The following CMC1 variants were observed in gnomAD, a reference collection of about 807,000 sequenced individuals.
The protein encoded by CMC1 is C-X9-C motif containing 1.
A neutral mutation model predicts 14.1 loss-of-function variants in CMC1; 14 were observed. The ratio of observed to expected loss-of-function variants is 0.99; its 90% CI spans 0.66 to 1.55. CMC1 has a LOEUF of 1.55. Among genes scored for constraint, CMC1 ranks in the 40% most tolerant of loss-of-function variants. CMC1 has a pLI of 0.00. For synonymous variants in CMC1, 50 were observed against 38.4 expected (o/e 1.30, Z -1.12); for missense variants, 127 against 123.8 (o/e 1.03, Z -0.12).
Position 28,323,901 on chromosome 3 carries a change from G to T in CMC1, c.*4272G>T. Reference sequence around the variant, plus strand: ...CAACTATGTTGGTTTTTGTACTATTGTACAGTGTGTTCAAATATAGATACT... The same window carrying T: ...CAACTATGTTGGTTTTTGTACTATTTTACAGTGTGTTCAAATATAGATACT... On this transcript the variant is annotated 3_prime_UTR_variant, in exon 4 of 4. Transcript: ENST00000466830. The T allele has an allele frequency of 1.1e-6, 1 of 932,672 alleles. No individual in the cohort carries two copies. The highest frequency in any genetic ancestry group is 1.6e-6 in the Non-Finnish European group (1 of 625,976). The allele number at this position is 932,672 out of a possible 1,614,324, so 57.8% of individuals were successfully genotyped here.
At chr3:28,283,542 C>CAACAAA (rs1250031613) in intron 2 of CMC1, among the ~76,000 whole-genome samples, 109 of 83,980 alleles carry the variant, frequency 1.3e-3, no homozygotes, top group African/African-American at 4.8e-3. Context: ...ACAACAACAA[C>CAACAAA]AACAAAAACA....
rs544985268 is a variant in CMC1 at position 28,274,220 on chromosome 3, C to CTTTTTTTT, written c.109+10848_109+10855dup. Among the ~76,000 whole-genome samples the CTTTTTTTT allele has an allele frequency of 1.4e-4, 16 of 112,318 alleles. 1 individual carries two copies. The highest frequency in any genetic ancestry group is 2.7e-4 in the African/African-American group (8 of 30,090). 73.7% of individuals were successfully genotyped at this position (112,318 alleles called of 152,430 possible). A position where few individuals can be genotyped will look rare whatever the true frequency, so the allele number is the denominator to read the frequency against. ...TGTACTAAAGTGTTTTTGTTTTTTT[C>CTTTTTTTT]TTTTTTTTTTTTTTTGCAGTGGCTA... On this transcript the variant is annotated intron_variant, in intron 2 of 3. Coordinates refer to ENST00000466830, the MANE Select transcript of CMC1 (RefSeq NM_182523.2).
chr3:28,290,500 C>A (rs1483919415), intron 2 of CMC1, among the ~76,000 whole-genome samples: 1 of 152,082 alleles, frequency 6.6e-6, no homozygotes, highest in African/African-American at 2.4e-5. Context: ...TTCATCCCCA[C>A]CCCACCTTGC....
rs536323176 is a variant in CMC1 at position 28,242,214 on chromosome 3, C to T, written c.19+402C>T. Among the ~76,000 whole-genome samples, 5 of 152,306 alleles carry T rather than the reference C, an allele frequency of 3.3e-5. No homozygotes were observed. The East Asian group carries it at 9.6e-4, about 29-fold the overall frequency. On this transcript the variant is annotated intron_variant, in intron 1 of 3. Coordinates refer to ENST00000466830, the MANE Select transcript of CMC1 (RefSeq NM_182523.2). The stretch of plus-strand genomic sequence containing the variant: ...TTTGGGAGTTCATGGACCCCGAGTT[C>T]ATCCTTGTAACCCAACTTAAAAACA...
chr3:28,281,018 C>T (rs1033488293), intron 2 of CMC1, among the ~76,000 whole-genome samples: 1 of 152,164 alleles, frequency 6.6e-6, no homozygotes, highest in Non-Finnish European at 1.5e-5. Flanking sequence ...ACCATATGGC[C>T]TACAAAGCCT....
chr3:28,294,141 G>A (rs1239239173), intron 2 of CMC1, among the ~76,000 whole-genome samples: 1 of 152,090 alleles, frequency 6.6e-6, no homozygotes, highest in Admixed American at 6.6e-5. Context: ...AGGATCATCT[G>A]TTCTACTATA....
chr3:28,318,996 T>C (rs910815519), intron 3 of CMC1: 20 of 247,688 alleles, frequency 8.1e-5, no homozygotes, highest in African/African-American at 3.9e-4. Flanking sequence ...ATTTCAGGCC[T>C]TTTCTCCTAT....
chr3:28,293,883 A>G (rs1701613013), intron 2 of CMC1, among the ~76,000 whole-genome samples: 1 of 152,134 alleles, frequency 6.6e-6, no homozygotes, highest in Non-Finnish European at 1.5e-5. Context: ...TGCCTGGCTA[A>G]AAGTATTCTT....
intron 1 of CMC1, among the ~76,000 whole-genome samples, chr3:28,246,858 A>C (rs1698856658): frequency 7.8e-6 from 1 of 128,396 alleles, no homozygotes; most frequent in East Asian, 2.3e-4. Flanking sequence ...CAAAATAATG[A>C]TTTTCTACCT....
chr3:28,298,382 G>T (rs1701853413), intron 2 of CMC1: 1 of 150,276 alleles, frequency 6.7e-6, no homozygotes, highest in Non-Finnish European at 1.5e-5. Context: ...TTAGTACATG[G>T]TTAATAACCT....
intron 2 of CMC1, among the ~76,000 whole-genome samples, chr3:28,293,301 G>C (rs988031114): frequency 6.6e-6 from 1 of 151,486 alleles, no homozygotes; most frequent in Non-Finnish European, 1.5e-5. Flanking sequence ...GCTACAAATA[G>C]AGGGACTTTT....
chr3:28,321,622 A>C lies in CMC1; in HGVS notation c.*1993A>C, dbSNP rs1415371076. 1 of 151,154 alleles carries C rather than the reference A, an allele frequency of 6.6e-6. No homozygotes were observed. Among genetic ancestry groups the C allele is most frequent in the East Asian group, 1.9e-4 (1 of 5,138 alleles). The allele number at this position is 151,154 out of a possible 1,614,324, so 9.4% of individuals were successfully genotyped here. On this transcript the variant is annotated 3_prime_UTR_variant, in exon 4 of 4. Transcript: ENST00000466830. ...ATATGTGGTAACCCACAGGTTTTTT[A>C]CCCCTTAAGATACACCTTCTCCAAG... is the stretch of plus-strand genomic sequence containing the variant.
At chr3:28,266,484 A>G (rs1700009883) in intron 2 of CMC1, among the ~76,000 whole-genome samples, 1 of 151,946 alleles carries the variant, frequency 6.6e-6, no homozygotes, top group South Asian at 2.1e-4. Context: ...AATAATGTAA[A>G]ATAAACACAA....
At chr3:28,294,982 AT>A (rs35749278) in intron 2 of CMC1, among the ~76,000 whole-genome samples, 2 of 151,608 alleles carry the variant, frequency 1.3e-5, no homozygotes, top group African/African-American at 2.4e-5. Context: ...CATTATTGTT[AT>A]TTTTTTTAAA....
intron 2 of CMC1, among the ~76,000 whole-genome samples, chr3:28,300,793 C>T (rs1416929218): frequency 6.7e-6 from 1 of 150,270 alleles, no homozygotes; most frequent in Non-Finnish European, 1.5e-5. Context: ...TAGAGAGTAC[C>T]AAACCACAAT....
chr3:28,271,191 C>T lies in CMC1; in HGVS notation c.109+7811C>T, dbSNP rs147984737. 4.0e-3 allele frequency among the ~76,000 whole-genome samples: 604 copies of T among 152,176 alleles called. 9 individuals are homozygous for T. Among genetic ancestry groups the T allele is most frequent in the African/African-American group, 0.014 (582 of 41,514 alleles). On this transcript the variant is annotated intron_variant, in intron 2 of 3. Coordinates refer to ENST00000466830, the MANE Select transcript of CMC1 (RefSeq NM_182523.2). ...TCTCAGCTCACTGCAGCCTCTGCCT[C>T]CTGGGTTCCAGTGATTCTCCAACCT...
intron 2 of CMC1, among the ~76,000 whole-genome samples, chr3:28,297,817 C>T (rs1701807622): frequency 6.6e-6 from 1 of 151,936 alleles, no homozygotes; most frequent in Admixed American, 6.6e-5. Flanking sequence ...AACAGCTGTA[C>T]CTTTAAACAT....
intron 2 of CMC1, among the ~76,000 whole-genome samples, chr3:28,301,015 C>T (rs1488030108): frequency 6.7e-6 from 1 of 149,276 alleles, no homozygotes; most frequent in Non-Finnish European, 1.5e-5. Flanking sequence ...CATTCCCTAT[C>T]AGTGTGCTAT....
At chr3:28,242,268 G>T (rs1223151547) in intron 1 of CMC1, among the ~76,000 whole-genome samples, 1 of 152,196 alleles carries the variant, frequency 6.6e-6, no homozygotes, top group Non-Finnish European at 1.5e-5. Flanking sequence ...ACTATGGCAG[G>T]AGTCAGTTTC....
Sources: allele counts gnomAD v4.1 joint callset (sites outside exome capture counted in the v4.1 genomes callset), GRCh38; gene constraint gnomAD v4.1.1; transcripts MANE v1.5; gene names NCBI Gene and HGNC (gene_info 2026-07-23, HGNC 2026-07-21).